Variants in H1-8 observed in about 807,000 individuals in gnomAD.
H1-8 encodes the protein histone H1.8.
A neutral mutation model predicts 19.5 loss-of-function variants in H1-8; 13 were observed. The observed-to-expected ratio is 0.67, with a 90% CI of 0.43 to 1.06. The LOEUF is 1.06. Among genes scored for constraint, H1-8 ranks in the 50% least tolerant of loss-of-function variants. The probability of loss-of-function intolerance (pLI) is 0.00; values close to 1 mark genes in which losing one functional copy is unlikely to be tolerated. For synonymous variants in H1-8, 193 were observed against 187.6 expected, an observed-to-expected ratio of 1.03 and a Z score of -0.24; for missense variants, 432 against 459.8, an observed-to-expected ratio of 0.94 and a Z score of 0.55.
intron 1 of H1-8, among the ~76,000 whole-genome samples, chr3:129,545,744 C>T (rs557636265): frequency 3.9e-5 from 6 of 152,152 alleles, no homozygotes; most frequent in Non-Finnish European, 8.8e-5. Flanking sequence ...TCCTCCATGT[C>T]GTAGCCAGGG....
intron 1 of H1-8, among the ~76,000 whole-genome samples, chr3:129,544,754 G>A (rs962763745): frequency 2.6e-5 from 4 of 152,044 alleles, no homozygotes; most frequent in East Asian, 1.9e-4. Flanking sequence ...CAGGCCAAGC[G>A]AAGACCCTTG....
At chr3:129,545,754 G>A (rs986279381) in intron 1 of H1-8, among the ~76,000 whole-genome samples, 2 of 152,140 alleles carry the variant, frequency 1.3e-5, no homozygotes, top group African/African-American at 2.4e-5. Flanking sequence ...CGTAGCCAGG[G>A]CTTCACTCCT....
chr3:129,548,256 T>G, intron 2 of H1-8: 1 of 873,828 alleles, frequency 1.1e-6, no homozygotes, highest in Non-Finnish European at 1.4e-6. Flanking sequence ...GCAGCTGCCA[T>G]GACAGTTGCC....
At chr3:129,543,806 C>T (rs1168838452) in intron 1 of H1-8, among the ~76,000 whole-genome samples, 3 of 152,242 alleles carry the variant, frequency 2.0e-5, no homozygotes, top group Admixed American at 2.0e-4. Context: ...AAGCCTGGCC[C>T]ATGGCTTGTT....
At chr3:129,550,909 G>A in intron 4 of H1-8, 100 bp downstream of exon 4, 1 of 1,141,570 alleles carries the variant, frequency 8.8e-7, no homozygotes, top group Non-Finnish European at 1.3e-6. Flanking sequence ...TCCAGGGATG[G>A]GGCTCAATTT....
Position 129,548,946 on chromosome 3 carries a change from G to A in H1-8, c.379-55G>A. On this transcript the variant is annotated intron_variant, in intron 2 of 4. Coordinates refer to ENST00000324382, the MANE Select transcript of H1-8 (RefSeq NM_153833.3). Reference sequence around the variant, plus strand: ...CCATTCGGAGTCTTACGGGGGGTGGGGGGCGTGAGGCACCTGAGGCTCTGC... The same window carrying A: ...CCATTCGGAGTCTTACGGGGGGTGGAGGGCGTGAGGCACCTGAGGCTCTGC... The A allele has an allele frequency of 2.0e-6, 3 of 1,537,092 alleles. No individual in the cohort carries two copies. In the South Asian group the frequency reaches 3.9e-5, roughly 20 times the overall value.
intron 2 of H1-8, 111 bp from the exon 3 acceptor site, chr3:129,548,890 T>C (rs969735597): frequency 2.1e-6 from 3 of 1,401,954 alleles, no homozygotes; most frequent in Admixed American, 5.3e-5. Flanking sequence ...TCTCACTGCC[T>C]GTGGAGCCCC....
At position 129,549,011 on chromosome 3, in the gene H1-8, A is replaced by G. The variant is rs1372841655; in HGVS notation, c.389A>G (p.Lys130Arg). Residue 130 changes from lysine (K) to arginine (R), a missense_variant, in exon 3 of 5, where the codon AAG (lysine) becomes AGG (arginine). Coordinates refer to ENST00000324382, the MANE Select transcript of H1-8 (RefSeq NM_153833.3). ...GATGSFKLVP[K>R]HKKKIQPRKM... ...CGTGTCCTTCTCCAGTTAGTTCCCA[A>G]GCACAAGAAGAAAATCCAGCCCAGG... 1 of 1,607,058 alleles carries G rather than the reference A, an allele frequency of 6.2e-7. No homozygotes were observed. Among genetic ancestry groups the G allele is most frequent in the Non-Finnish European group, 8.5e-7 (1 of 1,177,334 alleles).
intron 1 of H1-8, among the ~76,000 whole-genome samples, chr3:129,545,472 T>C (rs988678943): frequency 6.6e-6 from 1 of 152,186 alleles, no homozygotes; most frequent in Admixed American, 6.5e-5. Flanking sequence ...TACAATACAA[T>C]TCACCCTTTA....
At chr3:129,546,791 C>A (rs2084892128) in intron 1 of H1-8, among the ~76,000 whole-genome samples, 1 of 152,220 alleles carries the variant, frequency 6.6e-6, no homozygotes, top group African/African-American at 2.4e-5. Flanking sequence ...TGGAGAGTCT[C>A]TCAGTCTGGG....
At chr3:129,550,695 C>T (rs779098545) in intron 3 of H1-8, 50 bp from the exon 4 acceptor site, 1 of 1,522,858 alleles carries the variant, frequency 6.6e-7, no homozygotes, top group Admixed American at 1.7e-5. Context: ...TCCTGCCCCA[C>T]CAGCAGTTCC....
chr3:129,546,159 GATA>G (rs1415381934), intron 1 of H1-8, among the ~76,000 whole-genome samples: 43 of 108,534 alleles, frequency 4.0e-4, no homozygotes, highest in African/African-American at 1.4e-3. Flanking sequence ...TAATAATAAT[GATA>G]ATAATACAAA....
In H1-8 at chr3:129,547,059, A is replaced by G. The variant is rs542612664; in HGVS notation, c.89-332A>G. On this transcript the variant is annotated intron_variant, in intron 1 of 4. Transcript: ENST00000324382. ...CTAAAAATACAAAAATCAGCCAGGT[A>G]TGGTGGCAGCGCCTGTAATCCCAGC... Among the ~76,000 whole-genome samples, 4 of 152,210 alleles carry G rather than the reference A, an allele frequency of 2.6e-5. No homozygotes were observed. The South Asian group carries it at 8.3e-4, about 32-fold the overall frequency.
Position 129,549,016 on chromosome 3 carries a change from A to C in H1-8, c.394A>C (p.Lys132Gln). 1 of 1,608,598 alleles carries C rather than the reference A, an allele frequency of 6.2e-7. No homozygotes were observed. The highest frequency in any genetic ancestry group is 8.5e-7 in the Non-Finnish European group (1 of 1,178,006). Residue 132 changes from lysine to glutamine, a missense_variant, in exon 3 of 5, where the codon AAG (lysine) becomes CAG (glutamine). Transcript: ENST00000324382. ...TGSFKLVPKH[K>Q]KKIQPRKMAP... ...CCTTCTCCAGTTAGTTCCCAAGCACAAGAAGAAAATCCAGCCCAGGAAGAT... is the reference window on the plus strand; with the variant it reads ...CCTTCTCCAGTTAGTTCCCAAGCACCAGAAGAAAATCCAGCCCAGGAAGAT...
intron 1 of H1-8, among the ~76,000 whole-genome samples, chr3:129,545,251 G>A (rs534416123): frequency 1.3e-5 from 2 of 151,958 alleles, no homozygotes; most frequent in South Asian, 2.1e-4. Flanking sequence ...TCGTAGAGTC[G>A]AGGTCTCACG....
intron 2 of H1-8, among the ~76,000 whole-genome samples, chr3:129,548,035 T>G (rs2108755274): frequency 6.6e-6 from 1 of 152,248 alleles, no homozygotes; most frequent in East Asian, 1.9e-4. Context: ...AGCAGCCATG[T>G]CCTCCGTTTC....
chr3:129,543,999 G>A, intron 1 of H1-8, among the ~76,000 whole-genome samples: 1 of 152,200 alleles, frequency 6.6e-6, no homozygotes, highest in South Asian at 2.1e-4. Flanking sequence ...GAGATAGGGA[G>A]GGGGTCCAGG....
At chr3:129,550,605 TA>T in intron 3 of H1-8, 139 bp from the exon 4 acceptor site, 1 of 672,612 alleles carries the variant, frequency 1.5e-6, no homozygotes, top group Non-Finnish European at 2.6e-6. Flanking sequence ...TCAGAGTGGC[TA>T]AATGATTTGC....
At chr3:129,550,933 G>A in intron 4 of H1-8, 124 bp downstream of exon 4, 1 of 1,023,684 alleles carries the variant, frequency 9.8e-7, no homozygotes, top group African/African-American at 1.6e-5. Flanking sequence ...TTCCTACAAA[G>A]CACAGTCCAC....
Sources: gnomAD v4.1 joint callset for allele counts (sites outside exome capture counted in the v4.1 genomes callset) on GRCh38, gnomAD v4.1.1 for gene constraint, MANE v1.5 for transcripts, NCBI Gene and HGNC (gene_info 2026-07-23, HGNC 2026-07-21) for gene names.